SETD5: variants seen among roughly 807,000 people sequenced by gnomAD.
SETD5 encodes the protein histone-lysine N-methyltransferase SETD5.
SETD5 carries 44 observed loss-of-function variants against 153.3 expected under a neutral mutation model. The observed-to-expected ratio is 0.29, with a 90% confidence interval of 0.23 to 0.37. The LOEUF is 0.37. Ranked by LOEUF, SETD5 falls within the 10% of genes least tolerant of loss-of-function variation. The pLI, the probability that SETD5 is intolerant of heterozygous loss-of-function variation, is 1.00. For missense variants in SETD5, 1,544 were observed against 1,768.0 expected (o/e 0.87, Z 2.27); for synonymous variants, 716 against 645.2 (o/e 1.11, Z -1.66).
intron 13 of SETD5, among the ~76,000 whole-genome samples, chr3:9,446,541 G>A (rs2042034265): frequency 6.6e-6 from 1 of 151,140 alleles, no homozygotes; most frequent in Admixed American, 6.6e-5. Context: ...TCACCAGGCT[G>A]GAGTGCAGTG....
Position 9,445,233 on chromosome 3 carries a change from C to T in SETD5, c.1373C>T (p.Ser458Leu), listed in dbSNP as rs371491667. 4.2e-5 allele frequency: 67 copies of T among 1,612,430 alleles called. No homozygotes were observed. Among genetic ancestry groups the T allele is most frequent in the Non-Finnish European group, 5.6e-5 (66 of 1,179,146 alleles). The change falls in exon 12 of 23, where the codon TCA (serine) becomes TTA (leucine). Residue 458 changes from serine (S) to leucine (L), a missense_variant. By Grantham distance (145) the Ser-to-Leu change is moderately radical. Coordinates refer to ENST00000402198, the MANE Select transcript of SETD5 (RefSeq NM_001080517.3). Reference sequence around the variant, plus strand: ...GAGATGGAGCAGCAGAATGAGGCTTCAGAGGAGAATAATGACCAGCAATCA... The same window carrying T: ...GAGATGGAGCAGCAGAATGAGGCTTTAGAGGAGAATAATGACCAGCAATCA... ...ELEMEQQNEA[S>L]EENNDQQSQE...
At chr3:9,405,864 T>A (rs546131546) in intron 1 of SETD5, among the ~76,000 whole-genome samples, 13 of 152,322 alleles carry the variant, frequency 8.5e-5, no homozygotes, top group African/African-American at 3.1e-4. Flanking sequence ...GTTCTTTGGC[T>A]TATGTTTCAA....
chr3:9,457,804 GAA>G (rs2043446939), intron 17 of SETD5, among the ~76,000 whole-genome samples: 1 of 147,104 alleles, frequency 6.8e-6, no homozygotes. Context: ...ATTATGGAAA[GAA>G]TATATATATG....
At position 9,443,435 on chromosome 3, in the gene SETD5, T is replaced by A; in HGVS notation, c.1187+18T>A. 1 of 1,292,780 alleles carries A rather than the reference T, an allele frequency of 7.7e-7. No individual in the cohort carries two copies. The highest frequency in any genetic ancestry group is 1.0e-6 in the Non-Finnish European group (1 of 991,210). The allele number at this position is 1,292,780 out of a possible 1,614,324, so 80.1% of individuals were successfully genotyped here. On this transcript the variant is annotated intron_variant, in intron 11 of 22. Coordinates refer to ENST00000402198, the MANE Select transcript of SETD5 (RefSeq NM_001080517.3). The stretch of plus-strand genomic sequence containing the variant: ...AGTAACTGGTAAGACCTCAGAAACC[T>A]TTCCTAACAGGAATATCCATGTCTT...
chr3:9,400,958 TC>T (rs1181630993), intron 1 of SETD5, among the ~76,000 whole-genome samples: 2 of 152,236 alleles, frequency 1.3e-5, no homozygotes, highest in Non-Finnish European at 2.9e-5. Context: ...GTGCTGTTTT[TC>T]TTCCCCAAGA....
At chr3:9,441,569 T>C in intron 8 of SETD5, 24 bp from the exon 9 acceptor site, 1 of 1,611,772 alleles carries the variant, frequency 6.2e-7, no homozygotes, top group Non-Finnish European at 8.5e-7. Context: ...TGTTGTTTAA[T>C]GTTATTGCTC....
At chr3:9,413,959 G>C (rs1009700679) in intron 1 of SETD5, among the ~76,000 whole-genome samples, 1 of 151,980 alleles carries the variant, frequency 6.6e-6, no homozygotes, top group Non-Finnish European at 1.5e-5. Flanking sequence ...TGTATTTTTA[G>C]TAGAGATGGG....
intron 11 of SETD5, among the ~76,000 whole-genome samples, chr3:9,444,669 T>C (rs1282211580): frequency 6.6e-6 from 1 of 151,894 alleles, no homozygotes; most frequent in African/African-American, 2.4e-5. Flanking sequence ...GGCTGGAGGA[T>C]CACTTGAGCC....
At position 9,437,016 on chromosome 3, in the gene SETD5, C is replaced by T. The variant is rs146964595; in HGVS notation, c.567+1110C>T. The T allele has an allele frequency of 2.2e-5, 17 of 773,896 alleles. No individual in the cohort carries two copies. In the East Asian group the frequency reaches 5.3e-4, roughly 24 times the overall value. 47.9% of individuals were successfully genotyped at this position (773,896 alleles called of 1,614,324 possible). On this transcript the variant is annotated intron_variant, in intron 7 of 22. Transcript: ENST00000402198. Reference sequence around the variant, plus strand: ...CTTTTCATTAGTTTGTAGTTGTTGCCATTCAGTTTTCATAGAGCTTTTCTC... The same window carrying T: ...CTTTTCATTAGTTTGTAGTTGTTGCTATTCAGTTTTCATAGAGCTTTTCTC...
chr3:9,458,344 G>A (rs2043516464), intron 17 of SETD5, among the ~76,000 whole-genome samples: 2 of 152,090 alleles, frequency 1.3e-5, no homozygotes, highest in South Asian at 4.2e-4. Flanking sequence ...GGCCTGGCAT[G>A]GTGACTCTCA....
intron 18 of SETD5, among the ~76,000 whole-genome samples, chr3:9,469,859 G>T (rs1452650173): frequency 6.6e-6 from 1 of 152,182 alleles, no homozygotes; most frequent in Non-Finnish European, 1.5e-5. Flanking sequence ...CCAGAAAGTT[G>T]TATGAGAAAC....
chr3:9,446,910 T>C (rs567895833), intron 13 of SETD5, 140 bp from the exon 14 acceptor site: 38 of 612,962 alleles, frequency 6.2e-5, no homozygotes, highest in Non-Finnish European at 1.0e-4. Context: ...ATTTTTAATC[T>C]TCTGTTTTCC....
At position 9,428,968 on chromosome 3, in the gene SETD5, C is replaced by A; in HGVS notation, c.30C>A (p.Thr10=). Residue 10 remains threonine, a synonymous_variant, in exon 3 of 23, where the codon ACC becomes ACA. Transcript: ENST00000402198. ...GCATTGCAATCCCTCTGGGAGTCACCACATCAGATACATCCTACTCAGATA... is the reference window on the plus strand; with the variant it reads ...GCATTGCAATCCCTCTGGGAGTCACAACATCAGATACATCCTACTCAGATA... MSIAIPLGV[T]TSDTSYSDMA... 1 of 1,613,262 alleles carries A rather than the reference C, an allele frequency of 6.2e-7. No homozygotes were observed. The highest frequency in any genetic ancestry group is 8.5e-7 in the Non-Finnish European group (1 of 1,179,522).
intron 17 of SETD5, among the ~76,000 whole-genome samples, chr3:9,455,060 A>G (rs933878603): frequency 2.0e-5 from 3 of 151,898 alleles, no homozygotes; most frequent in Non-Finnish European, 4.4e-5. Context: ...TTAGTAGCAG[A>G]TATTGCAACT....
chr3:9,422,536 T>A (rs1405503539), intron 1 of SETD5, among the ~76,000 whole-genome samples: 1 of 152,220 alleles, frequency 6.6e-6, no homozygotes, highest in African/African-American at 2.4e-5. Flanking sequence ...ATTTTCATAT[T>A]TATGTTATTA....
In SETD5 at chr3:9,434,035, T is replaced by C. The variant is rs1317271448; in HGVS notation, c.177+85T>C. On this transcript the variant is annotated intron_variant, in intron 4 of 22. Transcript: ENST00000402198. The surrounding 1 kb of genome is among the most constrained non-coding windows in gnomAD (Gnocchi z 5.6). ...ATACATTGTGACTTTCTTGAAATGT[T>C]TATATGCAGCATGACGAAGTTGCCC... 14 of 1,611,960 alleles carry C rather than the reference T, an allele frequency of 8.7e-6. No homozygotes were observed. Among genetic ancestry groups the C allele is most frequent in the Non-Finnish European group, 1.1e-5 (13 of 1,179,574 alleles).
At chr3:9,427,866 A>T (rs762233214) in intron 2 of SETD5, among the ~76,000 whole-genome samples, 1 of 152,066 alleles carries the variant, frequency 6.6e-6, no homozygotes, top group Non-Finnish European at 1.5e-5. Context: ...CATACCTCCA[A>T]ATCTCTTAAT....
chr3:9,434,487 T>G lies in SETD5; in HGVS notation c.329+2T>G. On this transcript the variant is annotated splice_donor_variant, in intron 5 of 22. Coordinates refer to ENST00000402198, the MANE Select transcript of SETD5 (RefSeq NM_001080517.3). LOFTEE classifies it high-confidence loss of function. The surrounding 1 kb of genome is among the most constrained non-coding windows in gnomAD (Gnocchi z 5.6). Reference sequence around the variant, plus strand: ...CCTTCTCAACTGTGACAAGTGCAGGTAAGATCCTGTTCCATCTAAATTTAA... The same window carrying G: ...CCTTCTCAACTGTGACAAGTGCAGGGAAGATCCTGTTCCATCTAAATTTAA... 1 of 1,613,940 alleles carries G rather than the reference T, an allele frequency of 6.2e-7. No homozygotes were observed. The highest frequency in any genetic ancestry group is 8.5e-7 in the Non-Finnish European group (1 of 1,179,876).
chr3:9,434,037 A>G lies in SETD5; in HGVS notation c.177+87A>G, dbSNP rs1018692717. On this transcript the variant is annotated intron_variant, in intron 4 of 22. Coordinates refer to ENST00000402198, the MANE Select transcript of SETD5 (RefSeq NM_001080517.3). The surrounding 1 kb of genome is among the most constrained non-coding windows in gnomAD (Gnocchi z 5.6). ...ACATTGTGACTTTCTTGAAATGTTT[A>G]TATGCAGCATGACGAAGTTGCCCCT... The G allele has an allele frequency of 1.9e-6, 3 of 1,611,334 alleles. No individual in the cohort carries two copies. The highest frequency in any genetic ancestry group is 2.5e-6 in the Non-Finnish European group (3 of 1,179,434).
Sources: gnomAD v4.1 joint callset for allele counts (sites outside exome capture counted in the v4.1 genomes callset) on GRCh38, gnomAD v4.1.1 for gene constraint, Gnocchi (gnomAD v3.1) non-coding constraint, MANE v1.5 for transcripts, NCBI Gene and HGNC (gene_info 2026-07-23, HGNC 2026-07-21) for gene names.